Variants in SGCD observed in about 807,000 individuals in gnomAD.
The protein encoded by SGCD is sarcoglycan delta.
Under a neutral mutation model 36.6 loss-of-function variants are expected in SGCD, and 18 were observed. The ratio of observed to expected loss-of-function variants is 0.49; its 90% CI spans 0.34 to 0.73. The LOEUF (loss-of-function observed/expected upper bound fraction) is 0.73. Ranked by LOEUF, SGCD falls within the 30% of genes least tolerant of loss-of-function variation. The pLI is 0.01. For synonymous variants in SGCD, 133 were observed against 130.6 expected, an observed-to-expected ratio of 1.02 and a Z score of -0.12; for missense variants, 387 against 346.7, an observed-to-expected ratio of 1.12 and a Z score of -0.92.
chr5:156,489,801 T>C (rs562191093), intron 3 of SGCD, among the ~76,000 whole-genome samples: 6 of 151,814 alleles, frequency 4.0e-5, no homozygotes, highest in Non-Finnish European at 7.4e-5. Flanking sequence ...AACCTAATGA[T>C]ACACAACCTC....
At chr5:156,291,079 A>C (rs943864781) in intron 3 of SGCD, among the ~76,000 whole-genome samples, 1 of 152,084 alleles carries the variant, frequency 6.6e-6, no homozygotes, top group African/African-American at 2.4e-5. Context: ...GCAACTCTAC[A>C]TGACTCTGCC....
chr5:155,945,604 G>T (rs1412667751), intron 1 of SGCD, among the ~76,000 whole-genome samples: 2 of 152,204 alleles, frequency 1.3e-5, no homozygotes, highest in Non-Finnish European at 2.9e-5. Context: ...CATGATTTAA[G>T]TCTTCTGCTG....
chr5:155,996,779 A>C (rs572931293), intron 1 of SGCD, among the ~76,000 whole-genome samples: 3,460 of 130,380 alleles, frequency 0.027, 108 homozygotes, highest in African/African-American at 0.11. Context: ...ACTCTGTTTC[A>C]AAAAAAAAAA....
At chr5:156,020,207 G>T (rs1759069348) in intron 1 of SGCD, among the ~76,000 whole-genome samples, 1 of 152,178 alleles carries the variant, frequency 6.6e-6, no homozygotes, top group African/African-American at 2.4e-5. Context: ...TCCACTTAAT[G>T]ATATGTCTGA....
At chr5:156,459,402 A>C (rs1040552838) in intron 3 of SGCD, among the ~76,000 whole-genome samples, 3 of 152,210 alleles carry the variant, frequency 2.0e-5, no homozygotes. Context: ...AATCACTTGA[A>C]TGATTTGTTA....
intron 1 of SGCD, among the ~76,000 whole-genome samples, chr5:156,073,443 G>A (rs533021277): frequency 1.3e-5 from 2 of 152,262 alleles, no homozygotes; most frequent in Admixed American, 6.5e-5. Context: ...TATGCCTGTA[G>A]GTCTAGCTAC....
rs113243314 is a variant in SGCD, at chr5:156,588,988, TTGTGTG to T, written c.295-212_295-207del. Among the ~76,000 whole-genome samples, 51 of 143,146 alleles carry T rather than the reference TTGTGTG, an allele frequency of 3.6e-4. 1 individual carries two copies. Among genetic ancestry groups the T allele is most frequent in the South Asian group, 2.3e-3 (10 of 4,426 alleles). The allele number at this position is 143,146 out of a possible 152,430, so 93.9% of individuals were successfully genotyped here. ...TGTGTGTGTTCTGGGGGAATCTATA[TTGTGTG>T]TGTGTGTGTGTGTGTGTGTGTGTGT... On this transcript the variant is annotated intron_variant, in intron 4 of 8. Coordinates refer to ENST00000337851, the MANE Select transcript of SGCD (RefSeq NM_000337.6).
intron 3 of SGCD, among the ~76,000 whole-genome samples, chr5:156,229,046 G>C (rs1764928078): frequency 6.6e-6 from 1 of 151,534 alleles, no homozygotes; most frequent in Non-Finnish European, 1.5e-5. Context: ...TGTGAAAAGA[G>C]AGACTGGCTT....
At chr5:156,272,924 C>A (rs1301459814) in intron 3 of SGCD, among the ~76,000 whole-genome samples, 1 of 152,176 alleles carries the variant, frequency 6.6e-6, no homozygotes, top group East Asian at 1.9e-4. Context: ...TGCATAGTTA[C>A]AAAGAGATGG....
At chr5:155,836,346 T>G in the SGCD span, among the ~76,000 whole-genome samples, 1 of 152,182 alleles carries the variant, frequency 6.6e-6, no homozygotes, top group African/African-American at 2.4e-5. Flanking sequence ...CATCTGCTGG[T>G]CTATCGAAGA....
At chr5:156,046,326 C>CT (rs1759764446) in intron 1 of SGCD, among the ~76,000 whole-genome samples, 1 of 151,858 alleles carries the variant, frequency 6.6e-6, no homozygotes, top group African/African-American at 2.4e-5. Context: ...TTTTGTTTTG[C>CT]TTTTTTTCAT....
the SGCD span, among the ~76,000 whole-genome samples, chr5:155,823,062 ATATCTATCTATCTATCTATCTATCTATC>A: frequency 6.9e-6 from 1 of 145,172 alleles, no homozygotes; most frequent in Non-Finnish European, 1.5e-5. Flanking sequence ...CTATATCTCT[ATATCTATCTATCTATCTATCTATCTATC>A]TATCTATCTA....
At chr5:156,322,844 G>A (rs145489771), upstream of SGCD, among the ~76,000 whole-genome samples, 113 of 152,320 alleles carry the variant, frequency 7.4e-4, 1 homozygote, top group African/African-American at 2.5e-3. Context: ...TTAGGCAATG[G>A]TCAGCCATTT....
intron 3 of SGCD, among the ~76,000 whole-genome samples, chr5:156,419,733 C>T (rs373666385): frequency 1.6e-4 from 25 of 152,126 alleles, no homozygotes; most frequent in Middle Eastern, 3.4e-3. Flanking sequence ...TGCCTTAATC[C>T]GTGTTTTTGA....
At chr5:155,748,749 A>C in the SGCD span, among the ~76,000 whole-genome samples, 1 of 152,226 alleles carries the variant, frequency 6.6e-6, no homozygotes, top group African/African-American at 2.4e-5. Flanking sequence ...ATGAAGATCA[A>C]GAGGCACATG....
chr5:156,032,441 G>A (rs568812178), intron 1 of SGCD, among the ~76,000 whole-genome samples: 140 of 151,680 alleles, frequency 9.2e-4, no homozygotes, highest in African/African-American at 3.0e-3. Flanking sequence ...TTTAATGGCC[G>A]GGCACAGTGG....
intron 1 of SGCD, among the ~76,000 whole-genome samples, chr5:155,990,145 G>A (rs188624526): frequency 2.1e-3 from 320 of 152,236 alleles, no homozygotes; most frequent in African/African-American, 7.5e-3. Flanking sequence ...AGTGAAAAAA[G>A]CATGCTTGCA....
upstream of SGCD, among the ~76,000 whole-genome samples, chr5:155,868,413 C>T (rs1314084866): frequency 1.4e-5 from 2 of 141,856 alleles, no homozygotes; most frequent in African/African-American, 5.3e-5. Flanking sequence ...GACCAGGGTG[C>T]CAGACTGGTC....
rs7704949 is a variant in SGCD, at chr5:156,109,368, G to A, written c.-281-8510G>A. On this transcript the variant is annotated intron_variant, in intron 1 of 9. Transcript: ENST00000517913. ...TTTCTGATTTCTGTTTGGTAGAGAT[G>A]GTGCAGTGGGTAAGTGGAGTGGGAT... 7.3e-3 allele frequency among the ~76,000 whole-genome samples: 1,116 copies of A among 152,188 alleles called. 11 individuals are homozygous for A. Among genetic ancestry groups the A allele is most frequent in the African/African-American group, 0.025 (1,019 of 41,524 alleles).
Sources: allele counts gnomAD v4.1 joint callset (sites outside exome capture counted in the v4.1 genomes callset), GRCh38; gene constraint gnomAD v4.1.1; transcripts MANE v1.5; gene names NCBI Gene and HGNC (gene_info 2026-07-23, HGNC 2026-07-21).